SDK1: variants seen among roughly 807,000 people sequenced by gnomAD.
SDK1 encodes sidekick cell adhesion molecule 1, also known as protein sidekick-1.
A neutral mutation model predicts 245.5 loss-of-function variants in SDK1; 157 were observed. The ratio of observed to expected loss-of-function variants is 0.64; its 90% confidence interval spans 0.56 to 0.73. The LOEUF (loss-of-function observed/expected upper bound fraction) is 0.73. Ranked by LOEUF, SDK1 falls within the 30% of genes least tolerant of loss-of-function variation. The pLI, the probability that SDK1 is intolerant of heterozygous loss-of-function variation, is 0.00. For synonymous variants in SDK1, 1,647 were observed against 1,278.5 expected (o/e 1.29, Z -6.15); for missense variants, 3,583 against 3,002.3 (o/e 1.19, Z -4.52).
At chr7:3,847,929 C>G (rs990761462) in intron 5 of SDK1, among the ~76,000 whole-genome samples, 21 of 152,284 alleles carry the variant, frequency 1.4e-4, no homozygotes, top group African/African-American at 5.1e-4. Flanking sequence ...GAATTAGACC[C>G]TAATATAATG....
rs368759390 is a variant in SDK1 at position 3,603,996 on chromosome 7, G to C, written c.299-15084G>C. Among the ~76,000 whole-genome samples the C allele has an allele frequency of 7.2e-5, 11 of 152,230 alleles. No individual in the cohort carries two copies. The East Asian group carries it at 1.5e-3, about 21-fold the overall frequency. On this transcript the variant is annotated intron_variant, in intron 1 of 44. Coordinates refer to ENST00000404826, the MANE Select transcript of SDK1 (RefSeq NM_152744.4). ...TGCTGGATTACCTTTATTGATTTGC[G>C]TATGTTGAACCAGCCTTGCATCCCA...
rs73293128 is a variant in SDK1, at chr7:3,432,268, A to G, written c.298+130384A>G. On this transcript the variant is annotated intron_variant, in intron 1 of 44. Coordinates refer to ENST00000404826, the MANE Select transcript of SDK1 (RefSeq NM_152744.4). The stretch of plus-strand genomic sequence containing the variant: ...GCTGTATTTTGGCTATCGTGATGAC[A>G]TTAGTATCATCAAATTGGTCGTGGC... 3.7e-3 allele frequency among the ~76,000 whole-genome samples: 564 copies of G among 151,982 alleles called. 4 individuals are homozygous for G. The highest frequency in any genetic ancestry group is 0.013 in the African/African-American group (552 of 41,480).
chr7:4,191,627 C>T (rs1219889831), intron 35 of SDK1, among the ~76,000 whole-genome samples: 5 of 152,250 alleles, frequency 3.3e-5, no homozygotes, highest in African/African-American at 4.8e-5. Flanking sequence ...TCCCCCGAAG[C>T]GTGAGCCAGC....
chr7:3,423,907 A>G (rs1200656207), intron 1 of SDK1, among the ~76,000 whole-genome samples: 4 of 151,898 alleles, frequency 2.6e-5, no homozygotes, highest in Non-Finnish European at 5.9e-5. Flanking sequence ...GGTTCTTGGC[A>G]AACACATACT....
In SDK1 at chr7:4,268,254, C is replaced by T. The variant is rs140793242; in HGVS notation, c.*2870C>T. ...GTGGTCACGGAGTGGCCAGGAGGCT[C>T]CGTCTGAGCCACAGGGATGGGTGTG... On this transcript the variant is annotated 3_prime_UTR_variant, in exon 45 of 45. Coordinates refer to ENST00000404826, the MANE Select transcript of SDK1 (RefSeq NM_152744.4). 3,547 of 998,642 alleles carry T rather than the reference C, an allele frequency of 3.6e-3. 17 individuals carry two copies. Among genetic ancestry groups the T allele is most frequent in the South Asian group, 0.021 (466 of 22,690 alleles). 61.9% of individuals were successfully genotyped at this position (998,642 alleles called of 1,614,324 possible). A position where few individuals can be genotyped will look rare whatever the true frequency, so the allele number is the denominator to read the frequency against.
chr7:3,641,243 T>G (rs1421308412), intron 3 of SDK1, among the ~76,000 whole-genome samples: 1 of 152,184 alleles, frequency 6.6e-6, no homozygotes, highest in Non-Finnish European at 1.5e-5. Context: ...TGTATATATA[T>G]TTACATCTGA....
At chr7:3,506,947 A>G (rs1270268726) in intron 1 of SDK1, among the ~76,000 whole-genome samples, 2 of 151,880 alleles carry the variant, frequency 1.3e-5, no homozygotes, top group African/African-American at 4.8e-5. Context: ...TCTCTTGGTT[A>G]AGGGCTGCAT....
chr7:3,721,580 C>T (rs1224159510), intron 4 of SDK1, among the ~76,000 whole-genome samples: 4 of 152,288 alleles, frequency 2.6e-5, no homozygotes, highest in South Asian at 2.1e-4. Context: ...ACCCTTCTGA[C>T]GCAAATGACC....
intron 1 of SDK1, among the ~76,000 whole-genome samples, chr7:3,318,947 C>T (rs546670420): frequency 2.4e-4 from 36 of 151,802 alleles, no homozygotes; most frequent in Non-Finnish European, 4.1e-4. Flanking sequence ...ACCTGGCAGA[C>T]GGGAATAAAT....
chr7:3,435,321 C>CTTTTTTTTTTTTTTTTTTTTTTTTTTT lies in SDK1; in HGVS notation c.298+133438_298+133464dup, dbSNP rs71029672. ...ATACTTGACTTATGAAGGGGACTGC[C>CTTTTTTTTTTTTTTTTTTTTTTTTTTT]TTTTTTTTTTTTTTTTTTTTTTTTT... On this transcript the variant is annotated intron_variant, in intron 1 of 44. Transcript: ENST00000404826. 7.0e-5 allele frequency among the ~76,000 whole-genome samples: 4 copies of CTTTTTTTTTTTTTTTTTTTTTTTTTTT among 56,878 alleles called. 1 individual carries two copies. The highest frequency in any genetic ancestry group is 2.7e-4 in the African/African-American group (3 of 10,982). 37.3% of individuals were successfully genotyped at this position (56,878 alleles called of 152,430 possible). A position where few individuals can be genotyped will look rare whatever the true frequency, so the allele number is the denominator to read the frequency against.
At chr7:3,778,913 G>A (rs980225348) in intron 4 of SDK1, among the ~76,000 whole-genome samples, 12 of 152,126 alleles carry the variant, frequency 7.9e-5, no homozygotes, top group Non-Finnish European at 1.2e-4. Flanking sequence ...TACCTAAATG[G>A]TTTCAGACTA....
At chr7:3,974,814 G>T (rs891145040) in intron 13 of SDK1, 3 of 378,138 alleles carry the variant, frequency 7.9e-6, no homozygotes, top group African/African-American at 2.1e-5. Flanking sequence ...TATTTTTCCC[G>T]TGGACACCTT....
At chr7:4,068,714 T>TTTTATTTA (rs3066355) in intron 20 of SDK1, among the ~76,000 whole-genome samples, 2,504 of 149,522 alleles carry the variant, frequency 0.017, 47 homozygotes, top group Admixed American at 0.047. Flanking sequence ...TTTTTAATGA[T>TTTTATTTA]TTTATTTATT....
chr7:3,845,074 A>G (rs1031901851), intron 5 of SDK1, among the ~76,000 whole-genome samples: 1 of 152,210 alleles, frequency 6.6e-6, no homozygotes. Flanking sequence ...CCAAAGGTGC[A>G]GCTTCGGAGA....
In SDK1 at chr7:4,088,324, C is replaced by G. The variant is rs1235407604; in HGVS notation, c.3324+8740C>G. On this transcript the variant is annotated intron_variant, in intron 22 of 44. Coordinates refer to ENST00000404826, the MANE Select transcript of SDK1 (RefSeq NM_152744.4). ...TATTCTTTCTTTCTCTTTTTTGTTT[C>G]TTCTTCTTTGAGTATTTTGTAATCT... Among the ~76,000 whole-genome samples the G allele has an allele frequency of 2.0e-5, 3 of 151,462 alleles. No homozygotes were observed. The South Asian group carries it at 6.4e-4, about 32-fold the overall frequency.
At chr7:3,536,774 T>G (rs1203350298) in intron 1 of SDK1, among the ~76,000 whole-genome samples, 1 of 152,162 alleles carries the variant, frequency 6.6e-6, no homozygotes, top group South Asian at 2.1e-4. Context: ...TAACAATACT[T>G]GTATTCGTTG....
intron 22 of SDK1, among the ~76,000 whole-genome samples, chr7:4,092,145 A>G (rs764310227): frequency 3.3e-5 from 5 of 152,172 alleles, no homozygotes; most frequent in African/African-American, 9.7e-5. Flanking sequence ...AAGCCCTAAT[A>G]ACAGTGCCTG....
rs183135703 is a variant in SDK1, at chr7:3,551,752, C to T, written c.299-67328C>T. 1.3e-4 allele frequency among the ~76,000 whole-genome samples: 20 copies of T among 151,848 alleles called. No individual in the cohort carries two copies. In the East Asian group the frequency reaches 3.7e-3, roughly 28 times the overall value. ...GTACAGCAGCACGATCACGGCTCAC[C>T]GCAGCCTGAGACTCGTGGGTTCGAG... is the stretch of plus-strand genomic sequence containing the variant. On this transcript the variant is annotated intron_variant, in intron 1 of 44. Coordinates refer to ENST00000404826, the MANE Select transcript of SDK1 (RefSeq NM_152744.4).
chr7:3,777,254 G>A (rs1298549280), intron 4 of SDK1, among the ~76,000 whole-genome samples: 3 of 152,132 alleles, frequency 2.0e-5, no homozygotes, highest in Admixed American at 1.3e-4. Context: ...AGTGACTTTC[G>A]TTCCAGCCTT....
Sources: gnomAD v4.1 joint callset for allele counts (sites outside exome capture counted in the v4.1 genomes callset) on GRCh38, gnomAD v4.1.1 for gene constraint, MANE v1.5 for transcripts, NCBI Gene and HGNC (gene_info 2026-07-23, HGNC 2026-07-21) for gene names.